The following DNER variants were observed in gnomAD, a reference collection of about 807,000 sequenced individuals.
DNER encodes delta/notch like EGF repeat containing.
A neutral mutation model predicts 78.2 loss-of-function variants in DNER; 33 were observed. The ratio of observed to expected loss-of-function variants is 0.42; its 90% CI spans 0.32 to 0.56. The LOEUF (loss-of-function observed/expected upper bound fraction) is 0.56. Among genes scored for constraint, DNER ranks in the 20% least tolerant of loss-of-function variants. The probability of loss-of-function intolerance (pLI) is 0.11; values close to 1 mark genes in which losing one functional copy is unlikely to be tolerated. For missense variants in DNER, 918 were observed against 975.3 expected (o/e 0.94, Z 0.78); for synonymous variants, 417 against 384.8 (o/e 1.08, Z -0.98).
chr2:229,594,829 G>A (rs1323285031), intron 1 of DNER, among the ~76,000 whole-genome samples: 1 of 151,874 alleles, frequency 6.6e-6, no homozygotes, highest in Non-Finnish European at 1.5e-5. Context: ...TTAAATGTAG[G>A]CCAATTAAGA....
chr2:229,679,246 T>C (rs1699348563), intron 1 of DNER, among the ~76,000 whole-genome samples: 1 of 152,136 alleles, frequency 6.6e-6, no homozygotes, highest in South Asian at 2.1e-4. Context: ...TATTTAAAGA[T>C]CCAAATCACC....
intron 8 of DNER, among the ~76,000 whole-genome samples, chr2:229,444,054 C>T (rs1273618482): frequency 6.6e-6 from 1 of 152,174 alleles, no homozygotes; most frequent in African/African-American, 2.4e-5. Flanking sequence ...ATGTTCATTC[C>T]ACGAACAGAA....
chr2:229,650,072 C>CA (rs34030074), intron 1 of DNER, among the ~76,000 whole-genome samples: 25,000 of 92,906 alleles, frequency 0.27, 2,962 homozygotes, highest in South Asian at 0.32. Flanking sequence ...AAGACTCCGT[C>CA]AAAAAAAAAA....
chr2:229,675,079 C>T (rs1699279812), intron 1 of DNER, among the ~76,000 whole-genome samples: 1 of 152,140 alleles, frequency 6.6e-6, no homozygotes, highest in Admixed American at 6.6e-5. Context: ...ACTGTCGACA[C>T]ATGTGCATGT....
intron 7 of DNER, among the ~76,000 whole-genome samples, chr2:229,471,948 T>C (rs557342580): frequency 6.6e-6 from 1 of 152,328 alleles, no homozygotes; most frequent in South Asian, 2.1e-4. Flanking sequence ...TCAAATCTAC[T>C]GACCTCCAGG....
At chr2:229,666,010 G>C (rs1699086739) in intron 1 of DNER, among the ~76,000 whole-genome samples, 1 of 151,970 alleles carries the variant, frequency 6.6e-6, no homozygotes, top group African/African-American at 2.4e-5. Context: ...TCAATTTTCA[G>C]AGCTAAATGG....
chr2:229,676,044 G>T (rs1699296097), intron 1 of DNER, among the ~76,000 whole-genome samples: 1 of 152,202 alleles, frequency 6.6e-6, no homozygotes, highest in Non-Finnish European at 1.5e-5. Flanking sequence ...AGTTCTGGAA[G>T]GTGGCCATCC....
chr2:229,562,897 T>C (rs534515139), intron 4 of DNER, among the ~76,000 whole-genome samples: 3 of 152,000 alleles, frequency 2.0e-5, no homozygotes, highest in African/African-American at 2.4e-5. Flanking sequence ...ATTACCATCA[T>C]CATCAACTTC....
At chr2:229,581,135 A>G (rs1339061404) in intron 4 of DNER, among the ~76,000 whole-genome samples, 2 of 152,186 alleles carry the variant, frequency 1.3e-5, no homozygotes, top group Non-Finnish European at 2.9e-5. Context: ...TCACCAAAGG[A>G]AATGGTGACC....
intron 1 of DNER, among the ~76,000 whole-genome samples, chr2:229,694,994 G>A (rs1199946967): frequency 6.6e-6 from 1 of 152,126 alleles, no homozygotes; most frequent in Non-Finnish European, 1.5e-5. Flanking sequence ...ATATGTTACG[G>A]GAGGGCCCCC....
intron 1 of DNER, among the ~76,000 whole-genome samples, chr2:229,655,886 G>T (rs977388122): frequency 3.9e-5 from 6 of 152,052 alleles, no homozygotes; most frequent in Non-Finnish European, 7.4e-5. Context: ...AGAAGGCCGT[G>T]TAAAGACCCA....
intron 7 of DNER, among the ~76,000 whole-genome samples, chr2:229,459,523 C>T (rs1038231640): frequency 2.0e-5 from 3 of 152,078 alleles, no homozygotes; most frequent in Non-Finnish European, 2.9e-5. Flanking sequence ...CAACCACTGG[C>T]TCAGGTAGGT....
At chr2:229,486,117 G>A (rs1695265980) in intron 6 of DNER, among the ~76,000 whole-genome samples, 1 of 152,144 alleles carries the variant, frequency 6.6e-6, no homozygotes, top group African/African-American at 2.4e-5. Flanking sequence ...AGCACTCTGA[G>A]GCAAGAAGTA....
intron 7 of DNER, among the ~76,000 whole-genome samples, chr2:229,471,212 A>G (rs11903125): frequency 0.36 from 54,919 of 152,068 alleles, 11,706 homozygotes; most frequent in African/African-American, 0.6. Flanking sequence ...CCCAGTTTTT[A>G]AACAATACAC....
chr2:229,447,686 T>C (rs1458082444), intron 7 of DNER, 146 bp from the exon 8 acceptor site: 7 of 907,598 alleles, frequency 7.7e-6, no homozygotes, highest in South Asian at 5.3e-5. Flanking sequence ...GATAGGTAGG[T>C]TGTTTTTCCC....
chr2:229,456,596 C>T (rs565144514), intron 7 of DNER, among the ~76,000 whole-genome samples: 1 of 151,910 alleles, frequency 6.6e-6, no homozygotes, highest in Non-Finnish European at 1.5e-5. Context: ...CAGGGACCAG[C>T]CTCTTCTGCA....
chr2:229,526,495 C>T lies in DNER; in HGVS notation c.994-13559G>A, dbSNP rs191902644. Among the ~76,000 whole-genome samples, 236 of 152,254 alleles carry T rather than the reference C, an allele frequency of 1.6e-3. 2 individuals carry two copies. The highest frequency in any genetic ancestry group is 5.2e-3 in the African/African-American group (216 of 41,542). On this transcript the variant is annotated intron_variant, in intron 5 of 12. Coordinates refer to ENST00000341772, the MANE Select transcript of DNER (RefSeq NM_139072.4). ...TTTTTGGCACCAGGGACCAGTTTCG[C>T]GGAAGACAATTTTTCCCTGGACAGG...
chr2:229,358,556 T>C lies in DNER; in HGVS notation c.2198A>G (p.Lys733Arg). 6.2e-7 allele frequency: 1 copy of C among 1,611,478 alleles called. No homozygotes were observed. The highest frequency in any genetic ancestry group is 8.5e-7 in the Non-Finnish European group (1 of 1,178,792). ...AAAAAAAGATTACAAATCTTTAGTT[T>C]TAATCAGTGTGACCAAGGGTTTGTC... The part of the protein sequence containing the change: ...PDDKPLVTLI[K>R]TKDL The change falls in exon 13 of 13, where the codon AAA becomes AGA. Residue 733 changes from lysine (K) to arginine (R), a missense_variant. Lys to Arg is a conservative substitution (Grantham distance 26, BLOSUM62 2). Transcript: ENST00000341772.
At chr2:229,496,140 G>T (rs554936630) in intron 6 of DNER, among the ~76,000 whole-genome samples, 9 of 152,260 alleles carry the variant, frequency 5.9e-5, no homozygotes, top group Non-Finnish European at 1.3e-4. Context: ...GAAAAACCTT[G>T]TTACTAAGTT....
Sources: gnomAD v4.1 joint callset for allele counts (sites outside exome capture counted in the v4.1 genomes callset) on GRCh38, gnomAD v4.1.1 for gene constraint, MANE v1.5 for transcripts, NCBI Gene and HGNC (gene_info 2026-07-23, HGNC 2026-07-21) for gene names.